Variants in PCDHGA3 observed in about 807,000 individuals in gnomAD.
PCDHGA3 encodes protocadherin gamma-A3.
In PCDHGA3, 40 loss-of-function variants were observed where a neutral mutation model predicts 58.5. The observed-to-expected ratio is 0.68, with a 90% CI of 0.53 to 0.89. The LOEUF is 0.89. Ranked by LOEUF, PCDHGA3 falls within the 40% of genes least tolerant of loss-of-function variation. PCDHGA3 has a pLI of 0.00. For synonymous variants in PCDHGA3, 530 were observed against 525.7 expected (o/e 1.01, Z -0.11); for missense variants, 1,223 against 1,195.9 (o/e 1.02, Z -0.33).
At position 141,398,516 on chromosome 5, in the gene PCDHGA3, C is replaced by G. The variant is rs779535322; in HGVS notation, c.2424+52059C>G. On this transcript the variant is annotated intron_variant, in intron 1 of 3. Coordinates refer to ENST00000253812, the MANE Select transcript of PCDHGA3 (RefSeq NM_018916.4). ...GAGATCGAGGACATTAATGACCACA[C>G]GCCAAAATTCACGCAAAATTCCTTT... is the stretch of plus-strand genomic sequence containing the variant. The G allele has an allele frequency of 4.4e-5, 70 of 1,598,584 alleles. No individual in the cohort carries two copies. The highest frequency in any genetic ancestry group is 4.3e-4 in the Admixed American group (25 of 58,660).
At chr5:141,382,683 G>A in intron 1 of PCDHGA3, 1 of 444,266 alleles carries the variant, frequency 2.3e-6, no homozygotes, top group Non-Finnish European at 4.0e-6. Context: ...ACCAACCAGG[G>A]AAAAATGGTG....
At chr5:141,354,723 T>C (rs778133300) in intron 1 of PCDHGA3, among the ~76,000 whole-genome samples, 10 of 152,098 alleles carry the variant, frequency 6.6e-5, no homozygotes, top group Non-Finnish European at 1.5e-4. Flanking sequence ...GCTGTGGGGA[T>C]GAACAATGTG....
At chr5:141,394,696 C>G (rs1006890229) in intron 1 of PCDHGA3, 1 of 1,612,928 alleles carries the variant, frequency 6.2e-7, no homozygotes, top group African/African-American at 1.3e-5. Context: ...GAGGTGCGCA[C>G]GGCGCGAGCC....
intron 1 of PCDHGA3, among the ~76,000 whole-genome samples, chr5:141,457,171 T>C (rs1337137368): frequency 3.3e-5 from 5 of 152,216 alleles, no homozygotes; most frequent in Non-Finnish European, 7.3e-5. Flanking sequence ...GATAACCCTA[T>C]TGCAAATAGT....
Position 141,490,693 on chromosome 5 carries a change from G to C in PCDHGA3, c.2425-4114G>C. 2 of 1,614,170 alleles carry C rather than the reference G, an allele frequency of 1.2e-6. No homozygotes were observed. Among genetic ancestry groups the C allele is most frequent in the Non-Finnish European group, 1.7e-6 (2 of 1,180,018 alleles). ...GGCTGCCTCAGATCCAGACACTGGG[G>C]ATAATGCCCGCCTCACCTACTCCAT... is the stretch of plus-strand genomic sequence containing the variant. On this transcript the variant is annotated intron_variant, in intron 1 of 3. Coordinates refer to ENST00000253812, the MANE Select transcript of PCDHGA3 (RefSeq NM_018916.4). This position sits in a 1 kb window ranked among gnomAD's most constrained non-coding sequence, Gnocchi z 5.4.
intron 1 of PCDHGA3, chr5:141,382,731 A>C: frequency 3.6e-6 from 2 of 554,530 alleles, no homozygotes; most frequent in Non-Finnish European, 6.1e-6. Context: ...TTTACAGCAC[A>C]GAGAAACGAC....
In PCDHGA3 at chr5:141,505,470, C is replaced by T. The variant is rs1241228956; in HGVS notation, c.2561C>T (p.Ala854Val). Reference protein sequence around the residue: ...DTEMLQAMILASASEAADGSS... With the variant: ...DTEMLQAMILVSASEAADGSS... ...GAGATGCTGCAAGCCATGATCTTGG[C>T]GTCCGCCAGTGGTAAGTGGTGTCAG... The change falls in exon 3 of 4, where the codon GCG becomes GTG. Residue 854 changes from alanine (A) to valine (V), a missense_variant. By Grantham distance (64) the Ala-to-Val change is moderately conservative. Around this residue, in one of 3 missense-constraint regions of PCDHGA3, gnomAD observed 325 missense variants for 327.5 expected, o/e 0.99. Transcript: ENST00000253812. 2 of 1,614,068 alleles carry T rather than the reference C, an allele frequency of 1.2e-6. No individual in the cohort carries two copies. Among genetic ancestry groups the T allele is most frequent in the Non-Finnish European group, 8.5e-7 (1 of 1,180,010 alleles).
chr5:141,427,458 A>T (rs2097029342), intron 1 of PCDHGA3: 1 of 494,398 alleles, frequency 2.0e-6, no homozygotes, highest in African/African-American at 1.9e-5. Context: ...TCCTTTTAGA[A>T]TCGAATCTTC....
intron 1 of PCDHGA3, chr5:141,355,493 G>A (rs1256895826): frequency 6.2e-7 from 1 of 1,613,954 alleles, no homozygotes; most frequent in Admixed American, 1.7e-5. Flanking sequence ...CTCTGCGACA[G>A]ATCTCCAAAC....
intron 1 of PCDHGA3, chr5:141,419,005 C>G: frequency 6.2e-7 from 1 of 1,613,944 alleles, no homozygotes; most frequent in Non-Finnish European, 8.5e-7. Context: ...ATGGGGAAGT[C>G]AGGTGTAGCT....
intron 1 of PCDHGA3, among the ~76,000 whole-genome samples, chr5:141,449,331 G>T (rs1054980032): frequency 3.3e-5 from 5 of 151,950 alleles, no homozygotes; most frequent in Admixed American, 3.3e-4. Flanking sequence ...TGTAGGCCAG[G>T]TGCAGTGGCT....
intron 2 of PCDHGA3, among the ~76,000 whole-genome samples, chr5:141,498,963 GGGAGGGAGGGAAGGAAGGAA>G (rs1472475865): frequency 5.7e-4 from 74 of 129,970 alleles, no homozygotes; most frequent in Non-Finnish European, 2.6e-4. Flanking sequence ...GAGAGAGGGA[GGGAGGGAGGGAAGGAAGGAA>G]GGAAGGAAGG....
intron 1 of PCDHGA3, chr5:141,391,305 T>TC (rs1349412285): frequency 6.6e-6 from 1 of 151,546 alleles, no homozygotes; most frequent in African/African-American, 2.4e-5. Flanking sequence ...GTCTTTCGAT[T>TC]CTTTTTTTTT....
chr5:141,345,367 T>A lies in PCDHGA3; in HGVS notation c.1334T>A (p.Ile445Asn), dbSNP rs764114468. The A allele has an allele frequency of 2.7e-5, 43 of 1,613,956 alleles. No homozygotes were observed. The highest frequency in any genetic ancestry group is 3.2e-5 in the Non-Finnish European group (38 of 1,180,008). Residue 445 changes from isoleucine (I) to asparagine (N), a missense_variant, in exon 1 of 4, where the codon ATC (isoleucine) becomes AAC (asparagine). Physicochemically the swap from Ile to Asn is moderately radical, Grantham distance 149. This residue lies in a region of PCDHGA3 where 791 missense variants were observed against 708.5 expected (regional missense o/e 1.12). Transcript: ENST00000253812. ...ETHITLHVIDINDNPPTFPHL... is the reference protein window; with the variant it reads ...ETHITLHVIDNNDNPPTFPHL... Reference sequence around the variant, plus strand: ...CACATCACCCTGCATGTGATTGACATCAATGACAACCCACCCACCTTCCCT... The same window carrying A: ...CACATCACCCTGCATGTGATTGACAACAATGACAACCCACCCACCTTCCCT...
intron 2 of PCDHGA3, among the ~76,000 whole-genome samples, chr5:141,503,598 C>CAA (rs765754054): frequency 1.5e-4 from 10 of 65,698 alleles, no homozygotes; most frequent in African/African-American, 2.3e-4. Context: ...GACTCCAGCT[C>CAA]AAAAAAAAAA....
chr5:141,433,048 G>T (rs777523454), intron 1 of PCDHGA3: 20 of 1,614,142 alleles, frequency 1.2e-5, no homozygotes, highest in Non-Finnish European at 1.5e-5. Flanking sequence ...CCACGGACTC[G>T]CGGAAGAGTC....
At position 141,485,227 on chromosome 5, in the gene PCDHGA3, G is replaced by C. The variant is rs2099609828; in HGVS notation, c.2425-9580G>C. 1 of 1,614,186 alleles carries C rather than the reference G, an allele frequency of 6.2e-7. No individual in the cohort carries two copies. Among genetic ancestry groups the C allele is most frequent in the Non-Finnish European group, 8.5e-7 (1 of 1,180,020 alleles). On this transcript the variant is annotated intron_variant, in intron 1 of 3. Transcript: ENST00000253812. The surrounding 1 kb of genome is among the most constrained non-coding windows in gnomAD (Gnocchi z 5.7). The stretch of plus-strand genomic sequence containing the variant: ...AAATCTGGCGGTGGGCTACCCTTTT[G>C]TTCCTCTTTTACCACCTGGGTTACG...
At chr5:141,362,939 AG>A (rs1156531907) in intron 1 of PCDHGA3, among the ~76,000 whole-genome samples, 1 of 152,198 alleles carries the variant, frequency 6.6e-6, no homozygotes, top group Non-Finnish European at 1.5e-5. Flanking sequence ...TCTTCATTTT[AG>A]TAGGCTTTGG....
chr5:141,352,307 G>A, intron 1 of PCDHGA3: 4 of 1,614,058 alleles, frequency 2.5e-6, no homozygotes, highest in Non-Finnish European at 3.4e-6. Context: ...CCCCCAGACG[G>A]AACTGCAGTT....
Sources: gnomAD v4.1 joint callset for allele counts (sites outside exome capture counted in the v4.1 genomes callset) on GRCh38, gnomAD v4.1.1 for gene constraint, gnomAD v4.1.1 regional missense constraint, Gnocchi (gnomAD v3.1) non-coding constraint, MANE v1.5 for transcripts, NCBI Gene and HGNC (gene_info 2026-07-23, HGNC 2026-07-21) for gene names.